The following TMEM200A variants were observed in gnomAD, a reference collection of about 807,000 sequenced individuals.
The protein encoded by TMEM200A is two transmembrane C.
Under a neutral mutation model 24.3 loss-of-function variants are expected in TMEM200A, and 12 were observed. The ratio of observed to expected loss-of-function variants is 0.49; its 90% confidence interval spans 0.32 to 0.80. The LOEUF is 0.80. Among genes scored for constraint, TMEM200A ranks in the 30% least tolerant of loss-of-function variants. TMEM200A has a pLI of 0.04. For synonymous variants in TMEM200A, 224 were observed against 224.4 expected, an observed-to-expected ratio of 1.00 and a Z score of 0.02; for missense variants, 545 against 614.4, an observed-to-expected ratio of 0.89 and a Z score of 1.19.
Position 130,441,423 on chromosome 6 carries a change from C to T in TMEM200A, c.1001C>T (p.Thr334Ile). 2 of 1,614,082 alleles carry T rather than the reference C, an allele frequency of 1.2e-6. No homozygotes were observed. Among genetic ancestry groups the T allele is most frequent in the Non-Finnish European group, 1.7e-6 (2 of 1,180,004 alleles). ...TCCCTTGTGGTTCCTTTGCCCAACACCAGTGAATCCTTCCAGCCCGTCAGC... is the reference window on the plus strand; with the variant it reads ...TCCCTTGTGGTTCCTTTGCCCAACATCAGTGAATCCTTCCAGCCCGTCAGC... Reference protein sequence around the residue: ...MDSLVVPLPNTSESFQPVSTV... With the variant: ...MDSLVVPLPNISESFQPVSTV... The change falls in exon 3 of 3, where the codon ACC (threonine) becomes ATC (isoleucine). Residue 334 changes from threonine (T) to isoleucine (I), a missense_variant. Transcript: ENST00000296978.
chr6:130,380,207 G>A (rs779081317), intron 1 of TMEM200A, among the ~76,000 whole-genome samples: 24 of 152,066 alleles, frequency 1.6e-4, no homozygotes, highest in South Asian at 2.1e-4. Flanking sequence ...AGACATAGTC[G>A]TACCTTCACA....
At chr6:130,375,139 C>T (rs891253624) in intron 1 of TMEM200A, among the ~76,000 whole-genome samples, 1 of 152,156 alleles carries the variant, frequency 6.6e-6, no homozygotes, top group Admixed American at 6.5e-5. Context: ...CTCTATTCTC[C>T]TTTATGGATC....
At chr6:130,428,097 A>G (rs1219962515) in intron 2 of TMEM200A, among the ~76,000 whole-genome samples, 3 of 152,166 alleles carry the variant, frequency 2.0e-5, no homozygotes, top group African/African-American at 4.8e-5. Context: ...TTTTACTGCT[A>G]GGCATTCTTT....
intron 2 of TMEM200A, among the ~76,000 whole-genome samples, chr6:130,404,238 C>G (rs2115141238): frequency 6.6e-6 from 1 of 152,204 alleles, no homozygotes; most frequent in Admixed American, 6.6e-5. Context: ...CTTTATGTCT[C>G]TGAAGAATTG....
intron 1 of TMEM200A, among the ~76,000 whole-genome samples, chr6:130,380,066 TC>T (rs1484711770): frequency 2.1e-4 from 32 of 152,356 alleles, no homozygotes; most frequent in African/African-American, 7.2e-4. Context: ...TTCAGTTTCT[TC>T]AATTTAATCT....
chr6:130,384,176 AGTT>A (rs1216947101), intron 1 of TMEM200A, among the ~76,000 whole-genome samples: 2 of 152,172 alleles, frequency 1.3e-5, no homozygotes, highest in South Asian at 2.1e-4. Flanking sequence ...CAACGTTGTC[AGTT>A]GTTGTTAGTC....
chr6:130,375,557 G>C (rs900589439), intron 1 of TMEM200A, among the ~76,000 whole-genome samples: 1 of 152,208 alleles, frequency 6.6e-6, no homozygotes, highest in Non-Finnish European at 1.5e-5. Context: ...CATTCAAAAA[G>C]TGCTGTAAGG....
chr6:130,397,571 T>G (rs1778980655), intron 2 of TMEM200A, among the ~76,000 whole-genome samples: 1 of 152,030 alleles, frequency 6.6e-6, no homozygotes, highest in African/African-American at 2.4e-5. Context: ...TGGCTAGTAT[T>G]TGCCTTTTTC....
At chr6:130,400,074 A>C (rs916857818) in intron 2 of TMEM200A, among the ~76,000 whole-genome samples, 11 of 151,932 alleles carry the variant, frequency 7.2e-5, no homozygotes, top group African/African-American at 1.2e-4. Flanking sequence ...ACACACATAT[A>C]TATGTATATG....
At chr6:130,394,060 C>G (rs1347168974) in intron 2 of TMEM200A, among the ~76,000 whole-genome samples, 1 of 152,044 alleles carries the variant, frequency 6.6e-6, no homozygotes, top group African/African-American at 2.4e-5. Context: ...AAATCACATC[C>G]CTAGTTGTAT....
chr6:130,433,384 T>A (rs921109873), intron 2 of TMEM200A, among the ~76,000 whole-genome samples: 1 of 152,156 alleles, frequency 6.6e-6, no homozygotes, highest in African/African-American at 2.4e-5. Flanking sequence ...GTGATCCGCC[T>A]GCCTCGGCCT....
chr6:130,384,597 C>G (rs909845459), intron 1 of TMEM200A, among the ~76,000 whole-genome samples: 14 of 152,224 alleles, frequency 9.2e-5, no homozygotes, highest in African/African-American at 3.4e-4. Flanking sequence ...TAGGTGTGAT[C>G]CATCCTGCCT....
intron 2 of TMEM200A, among the ~76,000 whole-genome samples, chr6:130,416,353 G>A (rs1290616406): frequency 6.6e-6 from 1 of 152,054 alleles, no homozygotes; most frequent in Non-Finnish European, 1.5e-5. Context: ...GTGTGTGTGT[G>A]TCTATACATA....
chr6:130,436,480 T>C (rs1359514671), intron 2 of TMEM200A, among the ~76,000 whole-genome samples: 1 of 134,792 alleles, frequency 7.4e-6, no homozygotes, highest in Non-Finnish European at 1.5e-5. Context: ...CTTTGCAGCA[T>C]TGACCAAAAA....
chr6:130,367,432 C>A (rs1221242442), intron 1 of TMEM200A, among the ~76,000 whole-genome samples: 2 of 152,060 alleles, frequency 1.3e-5, no homozygotes, highest in African/African-American at 2.4e-5. Context: ...TGCAATCAAA[C>A]CAAGTTTGAG....
intron 2 of TMEM200A, among the ~76,000 whole-genome samples, chr6:130,407,946 T>A (rs1428487492): frequency 1.3e-5 from 2 of 152,238 alleles, no homozygotes; most frequent in African/African-American, 4.8e-5. Flanking sequence ...ACATATCATC[T>A]ATATGGTTAT....
intron 2 of TMEM200A, among the ~76,000 whole-genome samples, chr6:130,435,436 CA>C (rs754118637): frequency 6.6e-6 from 1 of 152,160 alleles, no homozygotes; most frequent in Non-Finnish European, 1.5e-5. Flanking sequence ...AATATAGTCT[CA>C]GGCCAGGAAA....
In TMEM200A at chr6:130,440,440, A is replaced by G; in HGVS notation, c.18A>G (p.Gly6=). Reference sequence around the variant, plus strand: ...GCCAAGCTATGATAGCAACTGGTGGAGTGATAACTGGCCTGGCCGCCTTGA... The same window carrying G: ...GCCAAGCTATGATAGCAACTGGTGGGGTGATAACTGGCCTGGCCGCCTTGA... The part of the protein sequence containing the change: MIATG[G]VITGLAALKR... The change falls in exon 3 of 3, where the codon GGA becomes GGG. Residue 6 remains glycine, a synonymous_variant. Transcript: ENST00000296978. 3 of 1,578,282 alleles carry G rather than the reference A, an allele frequency of 1.9e-6. No individual in the cohort carries two copies. Among genetic ancestry groups the G allele is most frequent in the Non-Finnish European group, 2.6e-6 (3 of 1,164,366 alleles).
At chr6:130,417,710 A>T (rs549796061) in intron 2 of TMEM200A, among the ~76,000 whole-genome samples, 1 of 152,306 alleles carries the variant, frequency 6.6e-6, no homozygotes, top group East Asian at 1.9e-4. Context: ...ACATACACAC[A>T]CAAAATTTTA....
Sources: allele counts gnomAD v4.1 joint callset (sites outside exome capture counted in the v4.1 genomes callset), GRCh38; gene constraint gnomAD v4.1.1; transcripts MANE v1.5; gene names NCBI Gene and HGNC (gene_info 2026-07-23, HGNC 2026-07-21).